GALNTL6: variants seen among roughly 807,000 people sequenced by gnomAD.
GALNTL6 encodes the protein polypeptide N-acetylgalactosaminyltransferase-like 6.
In GALNTL6, 46 loss-of-function variants were observed where a neutral mutation model predicts 73.7. The observed-to-expected ratio is 0.62, with a 90% CI of 0.49 to 0.80. The LOEUF (loss-of-function observed/expected upper bound fraction) is 0.80, where lower values mean the gene tolerates loss of function less well. Among genes scored for constraint, GALNTL6 ranks in the 30% least tolerant of loss-of-function variants. The pLI is 0.00. For synonymous variants in GALNTL6, 259 were observed against 263.7 expected, an observed-to-expected ratio of 0.98 and a Z score of 0.17; for missense variants, 604 against 755.0, an observed-to-expected ratio of 0.80 and a Z score of 2.34.
intron 2 of GALNTL6, among the ~76,000 whole-genome samples, chr4:172,091,899 C>G (rs1732215604): frequency 6.6e-6 from 1 of 152,056 alleles, no homozygotes; most frequent in African/African-American, 2.4e-5. Flanking sequence ...AATATAATTT[C>G]ATTCCTTCAT....
intron 3 of GALNTL6, among the ~76,000 whole-genome samples, chr4:172,279,877 A>T (rs1738979863): frequency 6.6e-6 from 1 of 152,208 alleles, no homozygotes; most frequent in African/African-American, 2.4e-5. Context: ...CTATCCACAC[A>T]ATAGAATACT....
chr4:172,836,139 A>G (rs550200762), intron 7 of GALNTL6, among the ~76,000 whole-genome samples: 3 of 152,336 alleles, frequency 2.0e-5, no homozygotes, highest in Admixed American at 1.3e-4. Flanking sequence ...AGTCCCAATC[A>G]GGTAGACAGC....
chr4:171,881,134 A>G (rs1736435200), intron 2 of GALNTL6, among the ~76,000 whole-genome samples: 1 of 152,180 alleles, frequency 6.6e-6, no homozygotes, highest in African/African-American at 2.4e-5. Context: ...TTGCAAGCCA[A>G]AGAGCCTGTA....
intron 5 of GALNTL6, among the ~76,000 whole-genome samples, chr4:172,658,220 A>C (rs1370352951): frequency 6.8e-6 from 1 of 148,116 alleles, no homozygotes; most frequent in South Asian, 2.1e-4. Context: ...TAATCCCAGC[A>C]CTTTGGGAGG....
At chr4:172,036,209 AG>A (rs1277882933) in intron 2 of GALNTL6, among the ~76,000 whole-genome samples, 1 of 152,080 alleles carries the variant, frequency 6.6e-6, no homozygotes, top group African/African-American at 2.4e-5. Context: ...TAAGTAATTC[AG>A]TTTATAGAAA....
At chr4:172,189,834 TA>T (rs1178119057) in intron 2 of GALNTL6, among the ~76,000 whole-genome samples, 2 of 152,078 alleles carry the variant, frequency 1.3e-5, no homozygotes, top group African/African-American at 4.8e-5. Flanking sequence ...ATGATGATAA[TA>T]ATAATAATAA....
chr4:172,872,738 C>A (rs1052081879), intron 7 of GALNTL6, among the ~76,000 whole-genome samples: 1 of 152,164 alleles, frequency 6.6e-6, no homozygotes, highest in Non-Finnish European at 1.5e-5. Flanking sequence ...TACTTTCTGA[C>A]CCAAAACTGT....
chr4:172,187,323 CAT>C (rs1226997554), intron 2 of GALNTL6, among the ~76,000 whole-genome samples: 1 of 152,018 alleles, frequency 6.6e-6, no homozygotes, highest in African/African-American at 2.4e-5. Context: ...AATGATTGGA[CAT>C]ATGTTTTCAA....
chr4:172,813,318 A>T (rs984596702), intron 6 of GALNTL6, among the ~76,000 whole-genome samples: 4 of 152,162 alleles, frequency 2.6e-5, no homozygotes, highest in Non-Finnish European at 4.4e-5. Flanking sequence ...CTGGGACATA[A>T]CTTTCTTAAA....
intron 2 of GALNTL6, among the ~76,000 whole-genome samples, chr4:172,141,045 A>G (rs1733785933): frequency 6.6e-6 from 1 of 152,042 alleles, no homozygotes; most frequent in Non-Finnish European, 1.5e-5. Flanking sequence ...TCATAATTTT[A>G]ATTTGATTAA....
chr4:172,722,638 A>G (rs1560905431), intron 5 of GALNTL6, among the ~76,000 whole-genome samples: 2 of 152,184 alleles, frequency 1.3e-5, no homozygotes, highest in African/African-American at 4.8e-5. Context: ...TTGAAAAATG[A>G]AAAAAATAAT....
chr4:172,669,328 A>C (rs1325006086), intron 5 of GALNTL6: 1 of 152,176 alleles, frequency 6.6e-6, no homozygotes, highest in Non-Finnish European at 1.5e-5. Context: ...ACTCTCCCCC[A>C]CTTAACTAAG....
At chr4:172,110,319 A>G (rs1732816236) in intron 2 of GALNTL6, among the ~76,000 whole-genome samples, 1 of 152,226 alleles carries the variant, frequency 6.6e-6, no homozygotes, top group African/African-American at 2.4e-5. Flanking sequence ...ATAAGGAAAT[A>G]AAACGTGGTT....
intron 4 of GALNTL6, among the ~76,000 whole-genome samples, chr4:172,337,322 G>T (rs865868610): frequency 6.6e-6 from 1 of 152,160 alleles, no homozygotes; most frequent in Middle Eastern, 3.4e-3. Flanking sequence ...TAATTCTATT[G>T]TGAAGTTAAC....
intron 2 of GALNTL6, among the ~76,000 whole-genome samples, chr4:172,006,394 G>A (rs940318680): frequency 6.6e-6 from 1 of 152,110 alleles, no homozygotes; most frequent in Non-Finnish European, 1.5e-5. Context: ...TTGAGCAGCG[G>A]AAGTGGGAGG....
chr4:171,894,482 A>G (rs1378848675), intron 2 of GALNTL6, among the ~76,000 whole-genome samples: 1 of 152,222 alleles, frequency 6.6e-6, no homozygotes, highest in East Asian at 1.9e-4. Context: ...TTCTTTTTAC[A>G]ATATAATTAA....
intron 8 of GALNTL6, among the ~76,000 whole-genome samples, chr4:172,921,793 CAAAAAAA>C (rs370693087): frequency 1.7e-5 from 1 of 58,598 alleles, no homozygotes; most frequent in Non-Finnish European, 3.6e-5. Flanking sequence ...GACCTTGTCT[CAAAAAAA>C]AAAAAAAAAA....
At chr4:172,699,503 C>CA (rs1733901403) in intron 5 of GALNTL6, among the ~76,000 whole-genome samples, 1 of 152,144 alleles carries the variant, frequency 6.6e-6, no homozygotes, top group Non-Finnish European at 1.5e-5. Flanking sequence ...AACCTTCTCT[C>CA]AGAGTTGCCA....
chr4:172,918,241 G>T (rs1319391227), intron 8 of GALNTL6, among the ~76,000 whole-genome samples: 1 of 152,080 alleles, frequency 6.6e-6, no homozygotes, highest in African/African-American at 2.4e-5. Context: ...GCCTGTTGTG[G>T]GGTGGGGGGA....
Sources: gnomAD v4.1 joint callset for allele counts (sites outside exome capture counted in the v4.1 genomes callset) on GRCh38, gnomAD v4.1.1 for gene constraint, MANE v1.5 for transcripts, NCBI Gene and HGNC (gene_info 2026-07-23, HGNC 2026-07-21) for gene names.